The following MPDZ variants were observed in gnomAD, a reference collection of about 807,000 sequenced individuals.
MPDZ encodes multiple PDZ domain crumbs cell polarity complex component, also known as multiple PDZ domain protein.
In MPDZ, 234 loss-of-function variants were observed where a neutral mutation model predicts 239.1. The ratio of observed to expected loss-of-function variants is 0.98; its 90% CI spans 0.88 to 1.09. The LOEUF (loss-of-function observed/expected upper bound fraction) is 1.09. MPDZ is among the 50% of genes least tolerant of loss of function. MPDZ has a pLI of 0.00. For synonymous variants in MPDZ, 1,048 were observed against 881.3 expected, an observed-to-expected ratio of 1.19 and a Z score of -3.35; for missense variants, 3,175 against 2,510.0, an observed-to-expected ratio of 1.26 and a Z score of -5.66.
At chr9:13,139,133 T>C (rs987566926) in intron 28 of MPDZ, among the ~76,000 whole-genome samples, 4 of 152,230 alleles carry the variant, frequency 2.6e-5, no homozygotes, top group Non-Finnish European at 2.9e-5. Context: ...GCCAATGCCA[T>C]GCATTCTACA....
At chr9:13,267,961 CAG>C (rs1972127624) in intron 1 of MPDZ, among the ~76,000 whole-genome samples, 1 of 152,102 alleles carries the variant, frequency 6.6e-6, no homozygotes, top group Non-Finnish European at 1.5e-5. Flanking sequence ...TAGCAAAACA[CAG>C]AGTCATTAAG....
intron 21 of MPDZ, 74 bp from the exon 22 acceptor site, chr9:13,168,638 T>C (rs947654734): frequency 4.4e-6 from 5 of 1,132,134 alleles, no homozygotes; most frequent in East Asian, 2.9e-5. Flanking sequence ...ATTTAATAAT[T>C]TCTATGATTT....
At chr9:13,135,288 T>A (rs921499018) in intron 31 of MPDZ, 9 of 152,184 alleles carry the variant, frequency 5.9e-5, no homozygotes, top group African/African-American at 2.2e-4. Flanking sequence ...TAAGGCAGAG[T>A]ACTCAGAAAA....
chr9:13,207,562 T>C (rs1404921470), intron 10 of MPDZ, among the ~76,000 whole-genome samples: 3 of 152,222 alleles, frequency 2.0e-5, no homozygotes, highest in South Asian at 2.1e-4. Context: ...ACTTAGAAAA[T>C]ACATATAATT....
intron 1 of MPDZ, among the ~76,000 whole-genome samples, chr9:13,266,514 A>T (rs1005600399): frequency 2.8e-4 from 42 of 152,322 alleles, no homozygotes; most frequent in African/African-American, 9.4e-4. Flanking sequence ...GAACCCTTAA[A>T]TTCAGCAGAC....
chr9:13,253,350 T>C (rs147695082), intron 1 of MPDZ, among the ~76,000 whole-genome samples: 3 of 152,154 alleles, frequency 2.0e-5, no homozygotes. Flanking sequence ...TAGCTTTTTT[T>C]GAGATTTTTC....
intron 11 of MPDZ, among the ~76,000 whole-genome samples, chr9:13,205,597 A>G (rs564885289): frequency 6.6e-6 from 1 of 152,302 alleles, no homozygotes; most frequent in South Asian, 2.1e-4. Context: ...GAACATTGCA[A>G]TGACATCCAG....
chr9:13,215,881 C>T (rs1448704944), intron 10 of MPDZ, among the ~76,000 whole-genome samples: 1 of 150,016 alleles, frequency 6.7e-6, no homozygotes, highest in Non-Finnish European at 1.5e-5. Flanking sequence ...AATCCTCCCA[C>T]CTTGGCCTCC....
At position 13,135,829 on chromosome 9, in the gene MPDZ, C is replaced by T. The variant is rs1425538545; in HGVS notation, c.4383+263G>A. 3 of 272,658 alleles carry T rather than the reference C, an allele frequency of 1.1e-5. No individual in the cohort carries two copies. The Admixed American group carries it at 1.6e-4, about 14-fold the overall frequency. 16.9% of individuals were successfully genotyped at this position (272,658 alleles called of 1,614,324 possible). A position where few individuals can be genotyped will look rare whatever the true frequency, so the allele number is the denominator to read the frequency against. ...GTAACCTTCCATATAAAGTTTTATC[C>T]TCAATTTCTTTTCAGAGGCAGAACT... On this transcript the variant is annotated intron_variant, in intron 31 of 46. Transcript: ENST00000319217.
At position 13,196,166 on chromosome 9, in the gene MPDZ, C is replaced by T. The variant is rs371939129; in HGVS notation, c.1611G>A (p.Leu537=). 151 of 1,603,658 alleles carry T rather than the reference C, an allele frequency of 9.4e-5. No individual in the cohort carries two copies. Among genetic ancestry groups the T allele is most frequent in the Non-Finnish European group, 1.2e-4 (139 of 1,174,258 alleles). Residue 537 remains leucine (L), a synonymous_variant, in exon 13 of 47, where the codon CTG becomes CTA. Transcript: ENST00000319217. The part of the protein sequence containing the change: ...IEDAQKQEAA[L]LTKWQRIMGI... The stretch of plus-strand genomic sequence containing the variant: ...CCATAATCCTTTGCCATTTTGTCAG[C>T]AGAGCAGCTTCTTGTTTTTGTGCAT...
intron 1 of MPDZ, among the ~76,000 whole-genome samples, chr9:13,270,869 C>A (rs1417421703): frequency 2.6e-5 from 4 of 152,076 alleles, no homozygotes; most frequent in Non-Finnish European, 4.4e-5. Flanking sequence ...CAAATTACTC[C>A]TTTGTTATCC....
At chr9:13,238,585 T>A (rs1050367311) in intron 3 of MPDZ, among the ~76,000 whole-genome samples, 1 of 152,184 alleles carries the variant, frequency 6.6e-6, no homozygotes, top group Non-Finnish European at 1.5e-5. Flanking sequence ...CTTAATTTTC[T>A]TGGTGCAAGA....
intron 1 of MPDZ, among the ~76,000 whole-genome samples, chr9:13,252,146 T>C (rs1376310523): frequency 6.6e-6 from 1 of 152,170 alleles, no homozygotes. Flanking sequence ...AGGCCTAATA[T>C]AGGGAAATAT....
intron 22 of MPDZ, chr9:13,165,257 T>A: frequency 9.4e-7 from 1 of 1,066,184 alleles, no homozygotes; most frequent in East Asian, 2.7e-5. Flanking sequence ...ATATACAAAA[T>A]CTATATCTGG....
At chr9:13,269,997 C>T (rs116300985) in intron 1 of MPDZ, among the ~76,000 whole-genome samples, 226 of 152,248 alleles carry the variant, frequency 1.5e-3, no homozygotes, top group African/African-American at 5.3e-3. Context: ...TATTTAGTTA[C>T]CATATGTAAT....
rs1390753671 is a variant in MPDZ at position 13,140,115 on chromosome 9, G to A, written c.3875C>T (p.Ala1292Val). The change falls in exon 28 of 47, where the codon GCT becomes GTT. Residue 1292 changes from alanine (A) to valine (V), a missense_variant. By Grantham distance (64) the Ala-to-Val change is moderately conservative (BLOSUM62 0). Transcript: ENST00000319217. ...PSQSESEPEK[A>V]PLCSVPPPPP... is the part of the protein sequence containing the mutation. Reference sequence around the variant, plus strand: ...GGGTGGGGGCACACTGCACAATGGAGCCTTCTCTGGCTCTGACTCTGACTG... The same window carrying A: ...GGGTGGGGGCACACTGCACAATGGAACCTTCTCTGGCTCTGACTCTGACTG... 1 of 1,613,442 alleles carries A rather than the reference G, an allele frequency of 6.2e-7. No individual in the cohort carries two copies. Among genetic ancestry groups the A allele is most frequent in the Admixed American group, 1.7e-5 (1 of 59,974 alleles).
chr9:13,216,933 C>T (rs41265292), intron 9 of MPDZ, 71 bp from the exon 10 acceptor site: 207 of 1,169,968 alleles, frequency 1.8e-4, no homozygotes, highest in Non-Finnish European at 2.4e-4. Flanking sequence ...TTCGATTCTC[C>T]AACTATAAAG....
At chr9:13,121,390 G>A (rs946443676) in intron 38 of MPDZ, among the ~76,000 whole-genome samples, 9 of 152,128 alleles carry the variant, frequency 5.9e-5, no homozygotes, top group African/African-American at 2.2e-4. Context: ...TTCCTTTGTT[G>A]CAAGAATATA....
intron 1 of MPDZ, among the ~76,000 whole-genome samples, chr9:13,268,852 G>A (rs1407941268): frequency 1.3e-5 from 2 of 152,236 alleles, no homozygotes; most frequent in Admixed American, 1.3e-4. Flanking sequence ...TGCCCTGCAG[G>A]CATGCTGGAC....
Sources: allele counts gnomAD v4.1 joint callset (sites outside exome capture counted in the v4.1 genomes callset), GRCh38; gene constraint gnomAD v4.1.1; transcripts MANE v1.5; gene names NCBI Gene and HGNC (gene_info 2026-07-23, HGNC 2026-07-21).